AKT3: variants seen among roughly 807,000 people sequenced by gnomAD.
AKT3 encodes the protein AKT serine/threonine kinase 3.
AKT3 carries 15 observed loss-of-function variants against 65.3 expected under a neutral mutation model. The observed-to-expected ratio is 0.23, with a 90% CI of 0.15 to 0.35. AKT3 has a LOEUF of 0.35. AKT3 is among the 10% of genes least tolerant of loss of function. The pLI is 1.00. For synonymous variants in AKT3, 206 were observed against 183.8 expected (o/e 1.12, Z -0.98); for missense variants, 243 against 576.5 (o/e 0.42, Z 5.92).
At chr1:243,651,492 C>T (rs543192871) in intron 4 of AKT3, among the ~76,000 whole-genome samples, 1 of 152,216 alleles carries the variant, frequency 6.6e-6, no homozygotes, top group African/African-American at 2.4e-5. Flanking sequence ...GGGAATGCTT[C>T]CAGTTTTTGC....
chr1:243,513,280 G>A (rs1283280155), intron 12 of AKT3, among the ~76,000 whole-genome samples: 2 of 152,174 alleles, frequency 1.3e-5, no homozygotes, highest in Non-Finnish European at 2.9e-5. Flanking sequence ...GAACCCACAG[G>A]TTCCTTCTAG....
At chr1:243,647,291 T>G (rs1680895840) in intron 4 of AKT3, among the ~76,000 whole-genome samples, 1 of 152,230 alleles carries the variant, frequency 6.6e-6, no homozygotes, top group African/African-American at 2.4e-5. Context: ...TTCCTATGCT[T>G]ATATGTTTAG....
chr1:243,782,957 AT>A (rs1691006523), intron 2 of AKT3, among the ~76,000 whole-genome samples: 1 of 152,186 alleles, frequency 6.6e-6, no homozygotes, highest in Admixed American at 6.5e-5. Flanking sequence ...ATTACAAGAA[AT>A]ATGTATTTTT....
intron 2 of AKT3, among the ~76,000 whole-genome samples, chr1:243,796,462 T>TC (rs1292137846): frequency 6.6e-6 from 1 of 152,178 alleles, no homozygotes; most frequent in Non-Finnish European, 1.5e-5. Context: ...ATTAAGTCAC[T>TC]CCCCCACTTA....
intron 8 of AKT3, among the ~76,000 whole-genome samples, chr1:243,599,682 A>G (rs1226363489): frequency 6.6e-6 from 1 of 152,166 alleles, no homozygotes; most frequent in Non-Finnish European, 1.5e-5. Context: ...AAATTCTTCA[A>G]CTTTTAATAA....
At chr1:243,774,630 T>C (rs935681397) in intron 2 of AKT3, among the ~76,000 whole-genome samples, 1 of 152,210 alleles carries the variant, frequency 6.6e-6, no homozygotes, top group Non-Finnish European at 1.5e-5. Context: ...TAAGGATATC[T>C]TTTTAACCAC....
In AKT3 at chr1:243,623,149, G is replaced by T. The variant is rs1678892030; in HGVS notation, c.562-7988C>A. 3.9e-5 allele frequency among the ~76,000 whole-genome samples: 6 copies of T among 152,152 alleles called. No individual in the cohort carries two copies. In the South Asian group the frequency reaches 1.2e-3, roughly 32 times the overall value. On this transcript the variant is annotated intron_variant, in intron 6 of 13. Transcript: ENST00000673466. ...GTACCAGTTTGACTAGATAGTTTAT[G>T]CAAACAACAGGATGCATGATTAATA...
At chr1:243,576,968 T>C (rs1025037413) in intron 8 of AKT3, among the ~76,000 whole-genome samples, 1 of 152,170 alleles carries the variant, frequency 6.6e-6, no homozygotes, top group Non-Finnish European at 1.5e-5. Flanking sequence ...ACTACCTGAC[T>C]TCAAACTATA....
intron 2 of AKT3, among the ~76,000 whole-genome samples, chr1:243,801,389 A>G (rs1433248448): frequency 6.6e-6 from 1 of 152,244 alleles, no homozygotes; most frequent in East Asian, 1.9e-4. Flanking sequence ...TAATAATTCC[A>G]TCAACCCATG....
intron 13 of AKT3, among the ~76,000 whole-genome samples, chr1:243,488,791 G>A (rs1391053694): frequency 2.6e-5 from 4 of 152,120 alleles, no homozygotes; most frequent in South Asian, 4.1e-4. Context: ...AATTGATAGT[G>A]TACTGAGATG....
intron 2 of AKT3, among the ~76,000 whole-genome samples, chr1:243,745,603 A>G (rs913226143): frequency 6.6e-6 from 1 of 152,116 alleles, no homozygotes; most frequent in Non-Finnish European, 1.5e-5. Flanking sequence ...AGCTTGTCCA[A>G]CCTGTGACCC....
chr1:243,847,171 T>C (rs772782029), intron 1 of AKT3, among the ~76,000 whole-genome samples: 1 of 152,226 alleles, frequency 6.6e-6, no homozygotes, highest in Non-Finnish European at 1.5e-5. Flanking sequence ...TATTAATGCA[T>C]ATTAACTTAA....
At chr1:243,525,228 G>A (rs752034546) in intron 12 of AKT3, among the ~76,000 whole-genome samples, 1 of 152,106 alleles carries the variant, frequency 6.6e-6, no homozygotes, top group African/African-American at 2.4e-5. Context: ...AAAAGAAAGC[G>A]TTTGCAGTTT....
intron 2 of AKT3, among the ~76,000 whole-genome samples, chr1:243,723,877 C>T (rs1687059008): frequency 6.6e-6 from 1 of 152,098 alleles, no homozygotes; most frequent in African/African-American, 2.4e-5. Context: ...CCATAATGCA[C>T]CAGTGCACTC....
At chr1:243,567,069 C>G (rs981563586) in intron 9 of AKT3, among the ~76,000 whole-genome samples, 3 of 152,146 alleles carry the variant, frequency 2.0e-5, no homozygotes, top group African/African-American at 7.2e-5. Flanking sequence ...CGCTTGAGCT[C>G]AGGAGTTCAA....
At chr1:243,498,706 CCT>C (rs2148325557), downstream of AKT3, among the ~76,000 whole-genome samples, 1 of 152,332 alleles carries the variant, frequency 6.6e-6, no homozygotes, top group Admixed American at 6.5e-5. Flanking sequence ...CACTCATTGC[CCT>C]GTCTTGGAAA....
chr1:243,757,269 T>C (rs1388277132), intron 2 of AKT3, among the ~76,000 whole-genome samples: 1 of 152,196 alleles, frequency 6.6e-6, no homozygotes, highest in African/African-American at 2.4e-5. Flanking sequence ...GCTACAAAAA[T>C]GCACCAAAGT....
intron 3 of AKT3, among the ~76,000 whole-genome samples, chr1:243,686,669 T>A (rs1316790089): frequency 1.1e-4 from 6 of 52,844 alleles, no homozygotes; most frequent in East Asian, 3.3e-4. Context: ...TTTTTTTTTT[T>A]TTTTTTTTTT....
chr1:243,571,279 T>C (rs1399965997), intron 9 of AKT3, among the ~76,000 whole-genome samples: 3 of 152,308 alleles, frequency 2.0e-5, no homozygotes, highest in Non-Finnish European at 4.4e-5. Context: ...ATGGCACCAC[T>C]GCACTCCAGC....
Sources: gnomAD v4.1 joint callset for allele counts (sites outside exome capture counted in the v4.1 genomes callset) on GRCh38, gnomAD v4.1.1 for gene constraint, MANE v1.5 for transcripts, NCBI Gene and HGNC (gene_info 2026-07-23, HGNC 2026-07-21) for gene names.